The following PPP2R2B variants were observed in gnomAD, a reference collection of about 807,000 sequenced individuals.
PPP2R2B encodes serine/threonine-protein phosphatase 2A 55 kDa regulatory subunit B beta isoform.
In PPP2R2B, 5 loss-of-function variants were observed where a neutral mutation model predicts 46.0. That is an observed-to-expected ratio of 0.11 (90% confidence interval 0.06 to 0.23). The LOEUF (loss-of-function observed/expected upper bound fraction) is 0.23, where lower values mean the gene tolerates loss of function less well. PPP2R2B is among the 10% of genes least tolerant of loss of function. PPP2R2B has a pLI of 1.00. For synonymous variants in PPP2R2B, 215 were observed against 206.7 expected (o/e 1.04, Z -0.34); for missense variants, 367 against 575.0 (o/e 0.64, Z 3.70).
At chr5:147,052,197 C>A (rs1310339872) in intron 1 of PPP2R2B, among the ~76,000 whole-genome samples, 2 of 152,096 alleles carry the variant, frequency 1.3e-5, no homozygotes, top group African/African-American at 2.4e-5. Flanking sequence ...ACAGAAAGCT[C>A]CCCAAGCCAC....
intron 1 of PPP2R2B, among the ~76,000 whole-genome samples, chr5:146,968,256 G>T (rs968962905): frequency 6.6e-6 from 1 of 152,136 alleles, no homozygotes; most frequent in African/African-American, 2.4e-5. Flanking sequence ...AGGCAGTGAT[G>T]GTGTTTAGGG....
At chr5:146,619,871 T>G (rs1338062086) in intron 7 of PPP2R2B, among the ~76,000 whole-genome samples, 1 of 152,206 alleles carries the variant, frequency 6.6e-6, no homozygotes, top group Non-Finnish European at 1.5e-5. Flanking sequence ...CTGCATCCTT[T>G]CTTCCTTACT....
intron 1 of PPP2R2B, among the ~76,000 whole-genome samples, chr5:147,008,417 G>A (rs1164578145): frequency 6.6e-6 from 1 of 152,084 alleles, no homozygotes; most frequent in Non-Finnish European, 1.5e-5. Flanking sequence ...AACACCTTAT[G>A]AAGGTCTATT....
chr5:146,899,784 C>T (rs1320151803), intron 1 of PPP2R2B, among the ~76,000 whole-genome samples: 1 of 152,056 alleles, frequency 6.6e-6, no homozygotes, highest in African/African-American at 2.4e-5. Flanking sequence ...ACTTGAAGAG[C>T]TATTTCCCAA....
chr5:146,698,394 A>G (rs1460608643), intron 3 of PPP2R2B, among the ~76,000 whole-genome samples: 2 of 146,738 alleles, frequency 1.4e-5, no homozygotes, highest in African/African-American at 5.0e-5. Flanking sequence ...GTACTATCAT[A>G]TAGTATACAT....
chr5:147,041,065 G>A (rs772441157), intron 1 of PPP2R2B, among the ~76,000 whole-genome samples: 1 of 152,288 alleles, frequency 6.6e-6, no homozygotes, highest in East Asian at 1.9e-4. Flanking sequence ...TGTAAGTACA[G>A]AGGCCAAAAC....
chr5:146,666,149 G>T (rs1423654742), intron 5 of PPP2R2B, among the ~76,000 whole-genome samples: 1 of 152,164 alleles, frequency 6.6e-6, no homozygotes, highest in Non-Finnish European at 1.5e-5. Context: ...AATATCTGCA[G>T]CTCTTTCAAG....
chr5:146,723,917 C>T (rs1349411462), intron 2 of PPP2R2B, among the ~76,000 whole-genome samples: 2 of 152,120 alleles, frequency 1.3e-5, no homozygotes, highest in Non-Finnish European at 2.9e-5. Context: ...CCTTTTTTCT[C>T]TGAACCTTTG....
At chr5:146,603,350 C>T (rs1051989508) in intron 7 of PPP2R2B, among the ~76,000 whole-genome samples, 31 of 152,158 alleles carry the variant, frequency 2.0e-4, no homozygotes, top group African/African-American at 7.5e-4. Context: ...TTTAAATTGA[C>T]AACAAAATTG....
At chr5:147,033,963 C>A (rs1319061719) in intron 1 of PPP2R2B, among the ~76,000 whole-genome samples, 1 of 152,152 alleles carries the variant, frequency 6.6e-6, no homozygotes, top group African/African-American at 2.4e-5. Context: ...CCTTGACCTA[C>A]TTTAAACTGC....
At chr5:146,969,790 T>C (rs774567041) in intron 1 of PPP2R2B, among the ~76,000 whole-genome samples, 1 of 152,212 alleles carries the variant, frequency 6.6e-6, no homozygotes, top group African/African-American at 2.4e-5. Flanking sequence ...AGCAACCAAG[T>C]AAATGAATGG....
chr5:146,897,501 A>G (rs1762684470), intron 1 of PPP2R2B, among the ~76,000 whole-genome samples: 1 of 152,204 alleles, frequency 6.6e-6, no homozygotes, highest in South Asian at 2.1e-4. Flanking sequence ...GTGCCTACTC[A>G]CTGTATAATG....
At chr5:146,607,379 C>T (rs190830209) in intron 7 of PPP2R2B, among the ~76,000 whole-genome samples, 68 of 152,272 alleles carry the variant, frequency 4.5e-4, no homozygotes, top group African/African-American at 1.6e-3. Flanking sequence ...CGTATTAAGA[C>T]TCAGATGAAG....
chr5:146,873,541 T>C (rs1329844395), intron 2 of PPP2R2B, among the ~76,000 whole-genome samples: 4 of 152,168 alleles, frequency 2.6e-5, no homozygotes, highest in African/African-American at 4.8e-5. Context: ...CATTTTATTA[T>C]GAAAATTCAA....
At chr5:146,682,716 G>T (rs1454540589) in intron 5 of PPP2R2B, among the ~76,000 whole-genome samples, 1 of 152,188 alleles carries the variant, frequency 6.6e-6, no homozygotes, top group Non-Finnish European at 1.5e-5. Context: ...TAGCACACTG[G>T]CAACTAAGTA....
At chr5:147,055,832 CA>C in exon 1 of PPP2R2B, 1 of 1,525,796 alleles carries the variant, frequency 6.6e-7, no homozygotes, top group Non-Finnish European at 8.8e-7. Context: ...GCTACATCAC[CA>C]ATATGTTTAT....
At chr5:146,826,586 A>G (rs1201454237) in intron 2 of PPP2R2B, among the ~76,000 whole-genome samples, 1 of 152,222 alleles carries the variant, frequency 6.6e-6, no homozygotes, top group Non-Finnish European at 1.5e-5. Flanking sequence ...CCAAGTCAGT[A>G]TCCATGAACC....
At chr5:147,026,172 A>G (rs1437759789) in intron 1 of PPP2R2B, among the ~76,000 whole-genome samples, 1 of 152,176 alleles carries the variant, frequency 6.6e-6, no homozygotes, top group East Asian at 1.9e-4. Flanking sequence ...AGAATTGTCC[A>G]TGAATGTTCA....
intron 2 of PPP2R2B, among the ~76,000 whole-genome samples, chr5:146,746,439 C>T (rs1753197415): frequency 6.6e-6 from 1 of 152,048 alleles, no homozygotes. Flanking sequence ...TGGGTGACAG[C>T]CAGAATCAGA....
Sources: allele counts gnomAD v4.1 joint callset (sites outside exome capture counted in the v4.1 genomes callset), GRCh38; gene constraint gnomAD v4.1.1; transcripts MANE v1.5; gene names NCBI Gene and HGNC (gene_info 2026-07-23, HGNC 2026-07-21).